The following ABLIM3 variants were observed in gnomAD, a reference collection of about 807,000 sequenced individuals.
ABLIM3 encodes actin-binding LIM protein 3.
A neutral mutation model predicts 109.5 loss-of-function variants in ABLIM3; 61 were observed. The observed-to-expected ratio is 0.56, with a 90% CI of 0.45 to 0.69. The LOEUF is 0.69. Among genes scored for constraint, ABLIM3 ranks in the 30% least tolerant of loss-of-function variants. ABLIM3 has a pLI of 0.00. For synonymous variants in ABLIM3, 300 were observed against 324.8 expected, an observed-to-expected ratio of 0.92 and a Z score of 0.82; for missense variants, 796 against 889.5, an observed-to-expected ratio of 0.89 and a Z score of 1.34.
At position 149,246,472 on chromosome 5, in the gene ABLIM3, C is replaced by T; in HGVS notation, c.1487-10C>T. ...ACATGCCGGAGCTGATCTTTTCTGT[C>T]TTTTGACAGTGCCCCGAGCCAGAAG... On this transcript the variant is annotated splice_polypyrimidine_tract_variant and intron_variant, in intron 16 of 23. Coordinates refer to ENST00000309868, the MANE Select transcript of ABLIM3 (RefSeq NM_014945.5). 3.1e-6 allele frequency: 5 copies of T among 1,613,884 alleles called. No individual in the cohort carries two copies. The highest frequency in any genetic ancestry group is 4.2e-6 in the Non-Finnish European group (5 of 1,179,924).
chr5:149,173,583 A>G lies in ABLIM3; in HGVS notation c.14-9869A>G, dbSNP rs1045846027. Among the ~76,000 whole-genome samples, 3 of 152,130 alleles carry G rather than the reference A, an allele frequency of 2.0e-5. 1 individual carries two copies. The highest frequency in any genetic ancestry group is 2.0e-4 in the Admixed American group (3 of 15,284). ...TTCCCTGAGGTGGGATGGGGTCACA[A>G]GGGGTGGCACTCCAGGCCCTACCCC... On this transcript the variant is annotated intron_variant, in intron 2 of 23. Coordinates refer to ENST00000309868, the MANE Select transcript of ABLIM3 (RefSeq NM_014945.5).
Position 149,170,271 on chromosome 5 carries a change from C to CCT in ABLIM3, c.14-13163_14-13162dup, listed in dbSNP as rs143290105. ...CTCTCTCTCTCTCTCTCTCCTTCTC[C>CCT]CTCTCTCTCTCTCTCTCTCCGTCTC... On this transcript the variant is annotated intron_variant, in intron 2 of 23. Transcript: ENST00000309868. Among the ~76,000 whole-genome samples the CCT allele has an allele frequency of 3.5e-3, 376 of 107,592 alleles. 4 individuals are homozygous for CCT. The highest frequency in any genetic ancestry group is 0.012 in the African/African-American group (342 of 29,390). The allele number at this position is 107,592 out of a possible 152,430, so 70.6% of individuals were successfully genotyped here. A position where few individuals can be genotyped will look rare whatever the true frequency, so the allele number is the denominator to read the frequency against.
chr5:149,251,457 C>T (rs771769780), intron 21 of ABLIM3, 38 bp downstream of exon 21: 4 of 1,606,432 alleles, frequency 2.5e-6, no homozygotes, highest in Non-Finnish European at 3.4e-6. Context: ...AGGGAGAGTG[C>T]CTCCAGATGT....
chr5:149,171,066 T>G (rs1461724098), intron 2 of ABLIM3, among the ~76,000 whole-genome samples: 1 of 152,192 alleles, frequency 6.6e-6, no homozygotes, highest in African/African-American at 2.4e-5. Flanking sequence ...CTCTGATTCT[T>G]TTACCAAGTT....
chr5:149,184,490 A>G (rs998580279), intron 3 of ABLIM3, among the ~76,000 whole-genome samples: 2 of 152,228 alleles, frequency 1.3e-5, no homozygotes, highest in African/African-American at 4.8e-5. Context: ...ATGTCAAACT[A>G]TATCACAAGT....
chr5:149,194,968 T>C (rs1357699302), intron 3 of ABLIM3, among the ~76,000 whole-genome samples: 1 of 152,222 alleles, frequency 6.6e-6, no homozygotes, highest in African/African-American at 2.4e-5. Context: ...CTATGTATAA[T>C]ATATTTCACA....
intron 2 of ABLIM3, chr5:149,164,048 C>G (rs1302553320): frequency 1.3e-5 from 2 of 152,176 alleles, no homozygotes; most frequent in Non-Finnish European, 2.9e-5. Context: ...GCCCACCCCC[C>G]TAAAGCATGG....
At chr5:149,222,897 C>T (rs866073107) in intron 8 of ABLIM3, among the ~76,000 whole-genome samples, 22 of 152,022 alleles carry the variant, frequency 1.4e-4, no homozygotes, top group Admixed American at 1.4e-3. Flanking sequence ...GCTATAATTT[C>T]GTAGTTTAGC....
At position 149,252,824 on chromosome 5, in the gene ABLIM3, G is replaced by T; in HGVS notation, c.1925G>T (p.Arg642Met). The change falls in exon 23 of 24, where the codon AGG becomes ATG. Residue 642 changes from arginine to methionine, a missense_variant. Coordinates refer to ENST00000309868, the MANE Select transcript of ABLIM3 (RefSeq NM_014945.5). ...AACCGACTGCCCAAGGATGTAGACA[G>T]GACCCGTTTAGAGGTAAGTCTAAAA... ...GRNRLPKDVD[R>M]TRLERHLSQE... is the part of the protein sequence containing the mutation. 6.2e-7 allele frequency: 1 copy of T among 1,613,194 alleles called. No homozygotes were observed. Among genetic ancestry groups the T allele is most frequent in the South Asian group, 1.1e-5 (1 of 91,060 alleles).
rs79242294 is a variant in ABLIM3, at chr5:149,181,334, G to A, written c.14-2118G>A. Among the ~76,000 whole-genome samples the A allele has an allele frequency of 2.4e-3, 367 of 152,210 alleles. 2 individuals are homozygous for A. The highest frequency in any genetic ancestry group is 8.6e-3 in the African/African-American group (355 of 41,506). On this transcript the variant is annotated intron_variant, in intron 2 of 23. Coordinates refer to ENST00000309868, the MANE Select transcript of ABLIM3 (RefSeq NM_014945.5). The stretch of plus-strand genomic sequence containing the variant: ...GATTGCTCAGAGCTGTAGGGGGGAT[G>A]TGATGGCCATGATACCAGTGAACAT...
At chr5:149,230,529 G>T in intron 8 of ABLIM3, 120 bp from the exon 9 acceptor site, 1 of 1,029,962 alleles carries the variant, frequency 9.7e-7, no homozygotes. Flanking sequence ...AGCCAAGAGG[G>T]CCCTTCTGGC....
At position 149,257,538 on chromosome 5, in the gene ABLIM3, T is replaced by C. The variant is rs185250940; in HGVS notation, c.1939-753T>C. On this transcript the variant is annotated intron_variant, in intron 23 of 23. Coordinates refer to ENST00000309868, the MANE Select transcript of ABLIM3 (RefSeq NM_014945.5). The stretch of plus-strand genomic sequence containing the variant: ...TAGCTATCCAGGAAAGTTTCAAGAA[T>C]AGTAAAATGAACATCCATCTACCAT... Among the ~76,000 whole-genome samples, 262 of 152,344 alleles carry C rather than the reference T, an allele frequency of 1.7e-3. 2 individuals are homozygous for C. The Middle Eastern group carries it at 0.02, about 12-fold the overall frequency.
chr5:149,257,226 A>G (rs1754509167), intron 23 of ABLIM3, among the ~76,000 whole-genome samples: 1 of 152,116 alleles, frequency 6.6e-6, no homozygotes, highest in Non-Finnish European at 1.5e-5. Flanking sequence ...GAATCACTTG[A>G]ACTGGGGTGG....
chr5:149,169,168 C>T (rs757164368), intron 2 of ABLIM3, among the ~76,000 whole-genome samples: 5 of 141,338 alleles, frequency 3.5e-5, no homozygotes, highest in Non-Finnish European at 6.0e-5. Flanking sequence ...TTCCTAACTG[C>T]GTAGACGCTA....
At chr5:149,195,374 G>A (rs141321063) in intron 3 of ABLIM3, among the ~76,000 whole-genome samples, 20 of 152,304 alleles carry the variant, frequency 1.3e-4, no homozygotes, top group Non-Finnish European at 1.5e-4. Flanking sequence ...TCAATATTGC[G>A]TTTCACTCAG....
At chr5:149,244,623 G>C in intron 15 of ABLIM3, 1 of 501,840 alleles carries the variant, frequency 2.0e-6, no homozygotes, top group Non-Finnish European at 3.6e-6. Context: ...ATCTGGTCCA[G>C]TTCTGGTGCT....
At chr5:149,206,901 T>C in intron 5 of ABLIM3, 107 bp from the exon 6 acceptor site, 1 of 1,470,028 alleles carries the variant, frequency 6.8e-7, no homozygotes, top group Non-Finnish European at 9.2e-7. Flanking sequence ...TGGGAGCAAC[T>C]ATGGGAACAC....
intron 2 of ABLIM3, among the ~76,000 whole-genome samples, chr5:149,179,076 C>G (rs1474208793): frequency 6.6e-6 from 1 of 152,142 alleles, no homozygotes; most frequent in African/African-American, 2.4e-5. Flanking sequence ...TCCCATGCTC[C>G]TTTTCATTTA....
chr5:149,180,272 G>A (rs1756341959), intron 2 of ABLIM3, among the ~76,000 whole-genome samples: 1 of 152,112 alleles, frequency 6.6e-6, no homozygotes, highest in African/African-American at 2.4e-5. Flanking sequence ...AAAAATTAGT[G>A]GAAATGATAA....
Sources: allele counts gnomAD v4.1 joint callset (sites outside exome capture counted in the v4.1 genomes callset), GRCh38; gene constraint gnomAD v4.1.1; transcripts MANE v1.5; gene names NCBI Gene and HGNC (gene_info 2026-07-23, HGNC 2026-07-21).